The following ASPDH variants were observed in gnomAD, a reference collection of about 807,000 sequenced individuals.
ASPDH encodes the protein aspartate dehydrogenase domain-containing protein.
In ASPDH, 25 loss-of-function variants were observed where a neutral mutation model predicts 30.5. The ratio of observed to expected loss-of-function variants is 0.82; its 90% confidence interval spans 0.60 to 1.14. The LOEUF (loss-of-function observed/expected upper bound fraction) is 1.14. Ranked by LOEUF, ASPDH falls within the 50% of genes most tolerant of loss-of-function variation. The pLI is 0.00. For synonymous variants in ASPDH, 168 were observed against 156.3 expected (o/e 1.07, Z -0.56); for missense variants, 401 against 381.5 (o/e 1.05, Z -0.43).
upstream of ASPDH, chr19:50,514,636 C>A: frequency 1.9e-6 from 3 of 1,595,796 alleles, no homozygotes; most frequent in Non-Finnish European, 2.6e-6. Flanking sequence ...ACATGAGCCC[C>A]AGCCTCTGTG....
chr19:50,512,602 A>T, intron 4 of ASPDH, 22 bp from the exon 5 acceptor site: 1 of 1,516,590 alleles, frequency 6.6e-7, no homozygotes, highest in South Asian at 1.3e-5. Context: ...AGCCCGGGTT[A>T]GGGGGAGTGG....
chr19:50,513,552 A>AT lies in ASPDH; in HGVS notation c.53-137dup. ...CAGATTGCGGGGTAGGGAGACAGAG[A>AT]TGGGGGCAGGGCAGAGACACAGTGG... On this transcript the variant is annotated intron_variant, in intron 1 of 6. Transcript: ENST00000389208. This position sits in a 1 kb window ranked among gnomAD's most constrained non-coding sequence, Gnocchi z 4.9. 1.1e-6 allele frequency: 1 copy of AT among 934,170 alleles called. No homozygotes were observed. The highest frequency in any genetic ancestry group is 1.6e-6 in the Non-Finnish European group (1 of 633,226). The allele number at this position is 934,170 out of a possible 1,614,324, so 57.9% of individuals were successfully genotyped here.
In ASPDH at chr19:50,513,188, G is replaced by C; in HGVS notation, c.197+84C>G. On this transcript the variant is annotated intron_variant, in intron 2 of 6. Coordinates refer to ENST00000389208, the MANE Select transcript of ASPDH (RefSeq NM_001114598.2). The surrounding 1 kb of genome is among the most constrained non-coding windows in gnomAD (Gnocchi z 4.9). The stretch of plus-strand genomic sequence containing the variant: ...TGAACCAAGGCCCAGAGAGGGTCAG[G>C]GAACCCCTGAGATCACACAGTGGCT... The C allele has an allele frequency of 1.6e-5, 22 of 1,368,360 alleles. No individual in the cohort carries two copies. Among genetic ancestry groups the C allele is most frequent in the Non-Finnish European group, 2.1e-5 (22 of 1,025,950 alleles). The allele number at this position is 1,368,360 out of a possible 1,614,324, so 84.8% of individuals were successfully genotyped here.
At chr19:50,512,051 A>T (rs1979936049) in intron 6 of ASPDH, 85 bp downstream of exon 6, 2 of 1,177,860 alleles carry the variant, frequency 1.7e-6, no homozygotes, top group African/African-American at 3.1e-5. Flanking sequence ...ACAGAACCAG[A>T]ACTGCAGAAC....
chr19:50,514,817 G>GGGGGCC, upstream of ASPDH: 27 of 464,474 alleles, frequency 5.8e-5, no homozygotes, highest in Non-Finnish European at 8.7e-5. Context: ...GGGGGGGCGG[G>GGGGGCC]CACTGGGTGG....
At chr19:50,511,799 T>TGAGACAGAGGAGAGATGAG in intron 6 of ASPDH, 26 bp from the exon 7 acceptor site, 1 of 1,290,636 alleles carries the variant, frequency 7.7e-7, no homozygotes. Context: ...AATGAGCGAA[T>TGAGACAGAGGAGAGATGAG]GAGACAGAGG....
At chr19:50,514,388 C>T, upstream of ASPDH, 2 of 1,574,568 alleles carry the variant, frequency 1.3e-6, no homozygotes, top group Admixed American at 1.7e-5. Flanking sequence ...GGTCCAACCT[C>T]CCTAGCCCCG....
intron 6 of ASPDH, 123 bp from the exon 7 acceptor site, chr19:50,511,896 C>T: frequency 7.7e-6 from 6 of 783,948 alleles, no homozygotes; most frequent in Non-Finnish European, 1.2e-5. Context: ...CCGGAGAGAG[C>T]GGGACAGAGC....
In ASPDH at chr19:50,512,891, G is replaced by A. The variant is rs557775732; in HGVS notation, c.282+36C>T. The A allele has an allele frequency of 9.3e-6, 15 of 1,605,416 alleles. 1 individual carries two copies. The South Asian group carries it at 1.6e-4, about 17-fold the overall frequency. On this transcript the variant is annotated intron_variant, in intron 3 of 6. Transcript: ENST00000389208. ...GTGGGGTGAGACCAAGACAGAAGGG[G>A]CAGGGCTCTGCGTAAATGGTTGGGG...
Position 50,513,811 on chromosome 19 carries a change from C to T in ASPDH, c.13G>A (p.Gly5Ser). 1.9e-6 allele frequency: 3 copies of T among 1,550,756 alleles called. No homozygotes were observed. Among genetic ancestry groups the T allele is most frequent in the Admixed American group, 2.0e-5 (1 of 50,964 alleles). The change falls in exon 1 of 7, where the codon GGC (glycine) becomes AGC (serine). Residue 5 changes from glycine (G) to serine (S), a missense_variant. Transcript: ENST00000389208. This position sits in a 1 kb window ranked among gnomAD's most constrained non-coding sequence, Gnocchi z 4.9. MADRGPWRVGVVGYG... is the reference protein window; with the variant it reads MADRSPWRVGVVGYG... ...CCCACCACGCCCACCCTCCACGGGC[C>T]CCTGTCGGCCATGGCCCTGAGTGCG...
intron 6 of ASPDH, 45 bp from the exon 7 acceptor site, chr19:50,511,818 G>C (rs989916982): frequency 3.0e-6 from 4 of 1,315,074 alleles, no homozygotes; most frequent in South Asian, 2.2e-5. Context: ...GGAGAGATGA[G>C]GAGACAGACG....
At position 50,513,847 on chromosome 19, in the gene ASPDH, C is replaced by A; in HGVS notation, c.-24G>T. On this transcript the variant is annotated 5_prime_UTR_variant, in exon 1 of 7. Coordinates refer to ENST00000389208, the MANE Select transcript of ASPDH (RefSeq NM_001114598.2). The surrounding 1 kb of genome is among the most constrained non-coding windows in gnomAD (Gnocchi z 4.9). ...ATGGCCCTGAGTGCGGTGTCTGGGG[C>A]CTGGCTCCCTGGGCTGCTCGCTGCC... The A allele has an allele frequency of 6.5e-7, 1 of 1,547,722 alleles. No individual in the cohort carries two copies. The highest frequency in any genetic ancestry group is 8.7e-7 in the Non-Finnish European group (1 of 1,145,710).
Position 50,512,761 on chromosome 19 carries a change from A to G in ASPDH, c.332T>C (p.Leu111Ser). 1 of 1,565,732 alleles carries G rather than the reference A, an allele frequency of 6.4e-7. No individual in the cohort carries two copies. Among genetic ancestry groups the G allele is most frequent in the East Asian group, 2.4e-5 (1 of 42,410 alleles). The change falls in exon 4 of 7, where the codon TTG becomes TCG. Residue 111 changes from leucine to serine, a missense_variant. Transcript: ENST00000389208. The part of the protein sequence containing the change: ...LSDQTTERQL[L>S]EASQHWDHAV... The stretch of plus-strand genomic sequence containing the variant: ...GTGGTCCCAGTGCTGTGAGGCCTCC[A>G]AGAGCTGCCGCTCTGTGGTCTGGTC...
rs1979919153 is a variant in ASPDH at position 50,511,926 on chromosome 19, A to G, written c.809-153T>C. The G allele has an allele frequency of 1.2e-5, 5 of 415,104 alleles. No homozygotes were observed. In the South Asian group the frequency reaches 1.8e-4, roughly 15 times the overall value. The allele number at this position is 415,104 out of a possible 1,614,324, so 25.7% of individuals were successfully genotyped here. ...CAGAGCCCTGGGGGTGGACAGAGAC[A>G]GAGAGAGTCTCGATCAGAGGCGGGC... On this transcript the variant is annotated intron_variant, in intron 6 of 6. Transcript: ENST00000389208.
At position 50,512,197 on chromosome 19, in the gene ASPDH, AGGGTTCTCTCTGCG is replaced by A. The variant is rs1979958855; in HGVS notation, c.733_746del (p.Arg245CysfsTer68). 3 of 1,608,118 alleles carry A rather than the reference AGGGTTCTCTCTGCG, an allele frequency of 1.9e-6. No homozygotes were observed. Among genetic ancestry groups the A allele is most frequent in the Non-Finnish European group, 2.5e-6 (3 of 1,178,656 alleles). ...AGCCGGTGACCGCGCCTGGCTCGGC[AGGGTTCTCTCTGCG>A]GGTGTGCACAGCAAAGCTTCGGCCC... On this transcript the variant is annotated frameshift_variant, in exon 6 of 7. Coordinates refer to ENST00000389208, the MANE Select transcript of ASPDH (RefSeq NM_001114598.2). LOFTEE classifies it high-confidence loss of function.
In ASPDH at chr19:50,513,477, G is replaced by A. The variant is rs1980088332; in HGVS notation, c.53-61C>T. 2.1e-6 allele frequency: 3 copies of A among 1,431,934 alleles called. No individual in the cohort carries two copies. Among genetic ancestry groups the A allele is most frequent in the African/African-American group, 3.0e-5 (2 of 67,254 alleles). The allele number at this position is 1,431,934 out of a possible 1,614,324, so 88.7% of individuals were successfully genotyped here. A position where few individuals can be genotyped will look rare whatever the true frequency, so the allele number is the denominator to read the frequency against. On this transcript the variant is annotated intron_variant, in intron 1 of 6. Coordinates refer to ENST00000389208, the MANE Select transcript of ASPDH (RefSeq NM_001114598.2). This position sits in a 1 kb window ranked among gnomAD's most constrained non-coding sequence, Gnocchi z 4.9. The stretch of plus-strand genomic sequence containing the variant: ...AGAGAGGGGGACAGAGACCCAGAGA[G>A]AGAGGAGGTGGGGACAGAGACCCAG...
In ASPDH at chr19:50,512,269, C is replaced by T. The variant is rs779863606; in HGVS notation, c.675G>A (p.Val225=). Residue 225 remains valine (V), a synonymous_variant, in exon 6 of 7, where the codon GTG becomes GTA. Coordinates refer to ENST00000389208, the MANE Select transcript of ASPDH (RefSeq NM_001114598.2). ...ADTSLTDMHV[V]DVELSGPRGP... ...CCCGGGGTCCGCTCAGCTCTACATC[C>T]ACCACGTGCATGTCCGTGAGGCTGG... 4 of 1,613,618 alleles carry T rather than the reference C, an allele frequency of 2.5e-6. No individual in the cohort carries two copies. The highest frequency in any genetic ancestry group is 3.4e-6 in the Non-Finnish European group (4 of 1,179,920).
chr19:50,512,402 A>G lies in ASPDH; in HGVS notation c.611T>C (p.Leu204Pro), dbSNP rs1162808905. ...MAAAALAAPS[L>P]GFDGVIGVLV... ...CACCCCAATCACCCCATCGAAGCCC[A>G]GGCTGGGGGCAGCCAGGGCAGCCGC... Residue 204 changes from leucine (L) to proline (P), a missense_variant, in exon 5 of 7, where the codon CTG becomes CCG. Leu to Pro is a moderately conservative substitution (Grantham distance 98). Coordinates refer to ENST00000389208, the MANE Select transcript of ASPDH (RefSeq NM_001114598.2). The G allele has an allele frequency of 1.4e-5, 22 of 1,613,350 alleles. No homozygotes were observed. The highest frequency in any genetic ancestry group is 2.2e-5 in the East Asian group (1 of 44,890).
chr19:50,512,026 GAAA>G (rs752167073), intron 6 of ASPDH, 107 bp downstream of exon 6: 2 of 1,011,816 alleles, frequency 2.0e-6, no homozygotes, highest in Admixed American at 5.9e-5. Flanking sequence ...CAGAAAGAAA[GAAA>G]GGTCAACAAA....
Sources: allele counts gnomAD v4.1 joint callset, GRCh38; gene constraint gnomAD v4.1.1; non-coding constraint Gnocchi (gnomAD v3.1); transcripts MANE v1.5; gene names NCBI Gene and HGNC (gene_info 2026-07-23, HGNC 2026-07-21).